The following TYR variants were observed in gnomAD, a reference collection of about 807,000 sequenced individuals.
TYR encodes the protein tyrosinase.
Under a neutral mutation model 51.5 loss-of-function variants are expected in TYR, and 58 were observed. The ratio of observed to expected loss-of-function variants is 1.13; its 90% confidence interval spans 0.91 to 1.40. The LOEUF (loss-of-function observed/expected upper bound fraction) is 1.40, where lower values mean the gene tolerates loss of function less well. Among genes scored for constraint, TYR ranks in the 40% most tolerant of loss-of-function variants. The pLI, the probability that TYR is intolerant of heterozygous loss-of-function variation, is 0.00. For missense variants in TYR, 732 were observed against 647.4 expected, an observed-to-expected ratio of 1.13 and a Z score of -1.42; for synonymous variants, 263 against 235.2, an observed-to-expected ratio of 1.12 and a Z score of -1.08.
intron 2 of TYR, among the ~76,000 whole-genome samples, chr11:89,197,143 A>G (rs1943530224): frequency 1.3e-5 from 2 of 152,292 alleles, no homozygotes; most frequent in African/African-American, 2.4e-5. Context: ...GGAACAACAT[A>G]TGCAATGACA....
chr11:89,226,190 C>G (rs780163483), intron 2 of TYR, among the ~76,000 whole-genome samples: 2 of 152,034 alleles, frequency 1.3e-5, no homozygotes, highest in Non-Finnish European at 2.9e-5. Flanking sequence ...TGCTACATAG[C>G]AAAGGAAGTA....
chr11:89,278,905 C>A (rs1177235340), intron 3 of TYR, among the ~76,000 whole-genome samples: 2 of 151,626 alleles, frequency 1.3e-5, no homozygotes, highest in Non-Finnish European at 3.0e-5. Context: ...TTTTTGATGA[C>A]CTTCACAACT....
chr11:89,209,556 C>T (rs922094985), intron 2 of TYR, among the ~76,000 whole-genome samples: 1 of 152,232 alleles, frequency 6.6e-6, no homozygotes, highest in Non-Finnish European at 1.5e-5. Context: ...AGGCATCAGA[C>T]AGCTTATGCA....
chr11:89,270,418 C>T (rs1267080246), intron 3 of TYR, among the ~76,000 whole-genome samples: 1 of 151,906 alleles, frequency 6.6e-6, no homozygotes. Context: ...TCTCTGCTGG[C>T]ATTCACACTG....
At chr11:89,224,167 T>A (rs1943947685) in intron 2 of TYR, among the ~76,000 whole-genome samples, 2 of 152,160 alleles carry the variant, frequency 1.3e-5, no homozygotes, top group Admixed American at 6.5e-5. Flanking sequence ...GCAAAAGAGA[T>A]ACTTTTGCAT....
Position 89,268,790 on chromosome 11 carries a change from C to A in TYR, c.1185-15983C>A, listed in dbSNP as rs181723034. Among the ~76,000 whole-genome samples the A allele has an allele frequency of 2.0e-5, 3 of 151,958 alleles. No homozygotes were observed. In the East Asian group the frequency reaches 5.9e-4, roughly 30 times the overall value. On this transcript the variant is annotated intron_variant, in intron 3 of 4. Coordinates refer to ENST00000263321, the MANE Select transcript of TYR (RefSeq NM_000372.5). ...TGTGACCCACCTCCACCTCTCTGGGCTCACTTGTTGTTGATCCCGCACTGC... is the reference window on the plus strand; with the variant it reads ...TGTGACCCACCTCCACCTCTCTGGGATCACTTGTTGTTGATCCCGCACTGC...
At chr11:89,226,625 C>T (rs548173766) in intron 2 of TYR, among the ~76,000 whole-genome samples, 14 of 152,150 alleles carry the variant, frequency 9.2e-5, no homozygotes, top group African/African-American at 3.4e-4. Flanking sequence ...TGGGAGAGCA[C>T]AAGGCATGTG....
At position 89,255,069 on chromosome 11, in the gene TYR, T is replaced by C. The variant is rs571631735; in HGVS notation, c.1184+27099T>C. On this transcript the variant is annotated intron_variant, in intron 3 of 4. Coordinates refer to ENST00000263321, the MANE Select transcript of TYR (RefSeq NM_000372.5). Reference sequence around the variant, plus strand: ...ATTTCCGTCTTCATTTCATTGTTGATACAATGATCATTCAGGATCAAGTTA... The same window carrying C: ...ATTTCCGTCTTCATTTCATTGTTGACACAATGATCATTCAGGATCAAGTTA... 5.3e-5 allele frequency among the ~76,000 whole-genome samples: 8 copies of C among 151,940 alleles called. No individual in the cohort carries two copies. The South Asian group carries it at 1.7e-3, about 31-fold the overall frequency.
intron 3 of TYR, among the ~76,000 whole-genome samples, chr11:89,249,579 A>G (rs1435746435): frequency 6.6e-6 from 1 of 151,952 alleles, no homozygotes; most frequent in Non-Finnish European, 1.5e-5. Flanking sequence ...AAGGATGATC[A>G]TGCCCTTGGC....
rs565481442 is a variant in TYR at position 89,288,132 on chromosome 11, G to C, written c.1366+3178G>C. On this transcript the variant is annotated intron_variant, in intron 4 of 4. Coordinates refer to ENST00000263321, the MANE Select transcript of TYR (RefSeq NM_000372.5). ...AAGGTGAATGTCTCTTGAGAAGTTG[G>C]ATACACAGCCTGAAACTCAAAAGCG... is the stretch of plus-strand genomic sequence containing the variant. Among the ~76,000 whole-genome samples the C allele has an allele frequency of 4.6e-5, 7 of 151,972 alleles. No homozygotes were observed. The East Asian group carries it at 1.4e-3, about 30-fold the overall frequency.
At position 89,284,883 on chromosome 11, in the gene TYR, T is replaced by C. The variant is rs1284322336; in HGVS notation, c.1295T>C (p.Leu432Pro). The change falls in exon 4 of 5, where the codon CTG becomes CCG. Residue 432 changes from leucine (L) to proline (P), a missense_variant. Coordinates refer to ENST00000263321, the MANE Select transcript of TYR (RefSeq NM_000372.5). Reference protein sequence around the residue: ...RESYMVPFIPLYRNGDFFISS... With the variant: ...RESYMVPFIPPYRNGDFFISS... ...TCCTACATGGTTCCTTTTATACCAC[T>C]GTACAGAAATGGTGATTTCTTTATT... 3.7e-6 allele frequency: 6 copies of C among 1,611,784 alleles called. No homozygotes were observed. The Admixed American group carries it at 5.0e-5, about 13-fold the overall frequency.
chr11:89,262,984 G>C (rs74373473), intron 3 of TYR, among the ~76,000 whole-genome samples: 8,875 of 151,516 alleles, frequency 0.059, 338 homozygotes, highest in East Asian at 0.11. Flanking sequence ...AGAGTAGGAG[G>C]GAACATTTCC....
chr11:89,266,873 C>T (rs538101078), intron 3 of TYR, among the ~76,000 whole-genome samples: 25 of 151,886 alleles, frequency 1.6e-4, no homozygotes, highest in Admixed American at 5.9e-4. Context: ...AAGAATAATT[C>T]CTCTGGATTC....
chr11:89,228,525 T>A (rs1181820032), intron 3 of TYR, among the ~76,000 whole-genome samples: 1 of 152,214 alleles, frequency 6.6e-6, no homozygotes, highest in East Asian at 1.9e-4. Context: ...TAAGGCCATG[T>A]GGGCCTGGCA....
chr11:89,287,261 A>C (rs1241142746), intron 4 of TYR, among the ~76,000 whole-genome samples: 1 of 151,894 alleles, frequency 6.6e-6, no homozygotes, highest in Middle Eastern at 3.2e-3. Flanking sequence ...ATTTATCATG[A>C]AGTGTCATTT....
chr11:89,280,191 C>T (rs893134751), intron 3 of TYR, among the ~76,000 whole-genome samples: 2 of 151,630 alleles, frequency 1.3e-5, no homozygotes, highest in Admixed American at 6.6e-5. Context: ...TTTCTTACCC[C>T]AGCCCTAGAA....
At chr11:89,238,666 G>T (rs1385040505) in intron 3 of TYR, among the ~76,000 whole-genome samples, 1 of 152,046 alleles carries the variant, frequency 6.6e-6, no homozygotes, top group Non-Finnish European at 1.5e-5. Flanking sequence ...TCTTCTTCCT[G>T]ATATGAGACA....
chr11:89,277,223 T>G (rs931792653), intron 3 of TYR, among the ~76,000 whole-genome samples: 2 of 151,616 alleles, frequency 1.3e-5, no homozygotes, highest in African/African-American at 4.8e-5. Context: ...TCAAAACAAG[T>G]ACTACATGAA....
At chr11:89,262,619 AAAG>A (rs1256288592) in intron 3 of TYR, among the ~76,000 whole-genome samples, 15 of 150,250 alleles carry the variant, frequency 1.0e-4, no homozygotes, top group Admixed American at 8.7e-4. Flanking sequence ...AAAAAAAAAA[AAAG>A]AAGATTCAAA....
Sources: allele counts gnomAD v4.1 joint callset (sites outside exome capture counted in the v4.1 genomes callset), GRCh38; gene constraint gnomAD v4.1.1; transcripts MANE v1.5; gene names NCBI Gene and HGNC (gene_info 2026-07-23, HGNC 2026-07-21).